The following MATN2 variants were observed in gnomAD, a reference collection of about 807,000 sequenced individuals.
MATN2 encodes the protein matrilin 2, also known as matrilin-2.
In MATN2, 69 loss-of-function variants were observed where a neutral mutation model predicts 103.2. That is an observed-to-expected ratio of 0.67 (90% CI 0.55 to 0.82). The LOEUF is 0.82. MATN2 is among the 40% of genes least tolerant of loss of function. MATN2 has a pLI of 0.00. For missense variants in MATN2, 1,023 were observed against 1,211.5 expected (o/e 0.84, Z 2.31); for synonymous variants, 429 against 450.2 (o/e 0.95, Z 0.60).
chr8:97,981,846 A>C (rs914314576), intron 6 of MATN2, among the ~76,000 whole-genome samples: 1 of 152,134 alleles, frequency 6.6e-6, no homozygotes, highest in Non-Finnish European at 1.5e-5. Flanking sequence ...AGGGTGGTGC[A>C]GGCAAGGAGG....
At chr8:97,893,209 C>T (rs187111878) in intron 2 of MATN2, among the ~76,000 whole-genome samples, 5 of 152,274 alleles carry the variant, frequency 3.3e-5, no homozygotes, top group East Asian at 1.9e-4. Context: ...GGAGAAGGAA[C>T]GAGCACCTGC....
chr8:97,878,313 C>T (rs1162434438), intron 1 of MATN2, among the ~76,000 whole-genome samples: 2 of 152,046 alleles, frequency 1.3e-5, no homozygotes, highest in South Asian at 4.1e-4. Flanking sequence ...ACCTGTAATC[C>T]CAGCACTTGG....
At chr8:98,027,374 AT>A (rs767136739) in intron 13 of MATN2, 41 bp from the exon 14 acceptor site, 1 of 1,515,264 alleles carries the variant, frequency 6.6e-7, no homozygotes, top group African/African-American at 1.4e-5. Context: ...TGCATAAATG[AT>A]TTTTTATTCA....
rs529806941 is a variant in MATN2 at position 98,029,934 on chromosome 8, A to G, written c.2357-528A>G. On this transcript the variant is annotated intron_variant, in intron 14 of 18. Coordinates refer to ENST00000254898, the MANE Select transcript of MATN2 (RefSeq NM_002380.5). ...TTTTTCCTGACTTTAGGGGTTTCCA[A>G]TGGTCTGTAGATTATCCTTTTCAGC... 2.1e-3 allele frequency among the ~76,000 whole-genome samples: 324 copies of G among 152,282 alleles called. 1 individual carries two copies. Among genetic ancestry groups the G allele is most frequent in the Non-Finnish European group, 3.6e-3 (247 of 68,020 alleles).
intron 2 of MATN2, among the ~76,000 whole-genome samples, chr8:97,898,490 G>A (rs988623976): frequency 5.3e-5 from 8 of 151,966 alleles, no homozygotes; most frequent in South Asian, 4.2e-4. Context: ...CCAGCTACTC[G>A]GGAGGCCGAG....
intron 6 of MATN2, among the ~76,000 whole-genome samples, chr8:97,986,125 T>C (rs1456617561): frequency 1.3e-5 from 2 of 152,216 alleles, no homozygotes; most frequent in Non-Finnish European, 2.9e-5. Flanking sequence ...TGAATCTTTT[T>C]TTCTGATCAT....
intron 5 of MATN2, among the ~76,000 whole-genome samples, chr8:97,977,852 C>T (rs1811888900): frequency 1.3e-5 from 2 of 152,200 alleles, no homozygotes; most frequent in South Asian, 2.1e-4. Flanking sequence ...CCCAAGATAC[C>T]CTCTCCCAGA....
At chr8:97,907,941 C>T (rs1401991755) in intron 2 of MATN2, among the ~76,000 whole-genome samples, 1 of 152,050 alleles carries the variant, frequency 6.6e-6, no homozygotes, top group Non-Finnish European at 1.5e-5. Flanking sequence ...AGTTTGAGAC[C>T]AGCCTGACCA....
intron 7 of MATN2, among the ~76,000 whole-genome samples, chr8:97,998,347 C>T (rs1478798151): frequency 2.7e-5 from 4 of 150,224 alleles, no homozygotes; most frequent in South Asian, 2.1e-4. Flanking sequence ...GGTGAAACCC[C>T]GTCTCTACTA....
chr8:97,914,537 CT>C lies in MATN2; in HGVS notation c.143-16404del, dbSNP rs370756107. ...AGGCCTGCACCATTACACCCGGCTA[CT>C]TTTTTTTTTTTAATCTATTGTAGAG... On this transcript the variant is annotated intron_variant, in intron 2 of 18. Coordinates refer to ENST00000254898, the MANE Select transcript of MATN2 (RefSeq NM_002380.5). 8.1e-3 allele frequency among the ~76,000 whole-genome samples: 1,166 copies of C among 143,954 alleles called. 15 individuals carry two copies. The highest frequency in any genetic ancestry group is 0.022 in the African/African-American group (886 of 39,544). 94.4% of individuals were successfully genotyped at this position (143,954 alleles called of 152,430 possible).
intron 1 of MATN2, among the ~76,000 whole-genome samples, chr8:97,882,924 C>T (rs28419525): frequency 0.085 from 12,842 of 151,894 alleles, 1,520 homozygotes; most frequent in African/African-American, 0.27. Context: ...ATTTTTCATC[C>T]GTGTATCTTC....
intron 7 of MATN2, among the ~76,000 whole-genome samples, chr8:98,001,284 C>A (rs1327732282): frequency 6.6e-6 from 1 of 152,086 alleles, no homozygotes; most frequent in Admixed American, 6.5e-5. Flanking sequence ...TATCAAGAAC[C>A]CAGACTCTTT....
chr8:97,888,161 G>A lies in MATN2; in HGVS notation c.61G>A (p.Ala21Thr). 1 of 1,609,128 alleles carries A rather than the reference G, an allele frequency of 6.2e-7. No homozygotes were observed. The highest frequency in any genetic ancestry group is 1.7e-5 in the Admixed American group (1 of 59,298). The change falls in exon 2 of 19, where the codon GCC becomes ACC. Residue 21 changes from alanine (A) to threonine (T), a missense_variant. Transcript: ENST00000254898. ...CCTCGGACAGATCGTCCTCCTCCCT[G>A]CCGAGGCCAGGGAGCGGTCACGTGG... ...LILGQIVLLPAEARERSRGRS... is the reference protein window; with the variant it reads ...LILGQIVLLPTEARERSRGRS...
intron 2 of MATN2, among the ~76,000 whole-genome samples, chr8:97,930,708 T>C (rs1223913356): frequency 6.6e-6 from 1 of 152,156 alleles, no homozygotes; most frequent in Non-Finnish European, 1.5e-5. Context: ...CTGCAACCTG[T>C]GCTTGCTGGA....
At chr8:97,926,780 A>G (rs1018735265) in intron 2 of MATN2, among the ~76,000 whole-genome samples, 6 of 152,216 alleles carry the variant, frequency 3.9e-5, no homozygotes, top group South Asian at 2.1e-4. Context: ...GCTTGTCATC[A>G]TCTTTTTGTA....
At chr8:98,024,523 C>CA (rs1554616085) in intron 13 of MATN2, among the ~76,000 whole-genome samples, 1 of 152,010 alleles carries the variant, frequency 6.6e-6, no homozygotes, top group Non-Finnish European at 1.5e-5. Context: ...ACAACAACAA[C>CA]AACAAACAAA....
At chr8:97,892,786 C>A (rs1403631805) in intron 2 of MATN2, among the ~76,000 whole-genome samples, 2 of 152,142 alleles carry the variant, frequency 1.3e-5, no homozygotes, top group African/African-American at 4.8e-5. Context: ...GGAAATAGTT[C>A]TGACCTCATG....
intron 5 of MATN2, 70 bp downstream of exon 5, chr8:97,961,600 AC>A: frequency 6.9e-7 from 1 of 1,444,066 alleles, no homozygotes; most frequent in Non-Finnish European, 9.2e-7. Context: ...GGGGAGACTC[AC>A]GTGTACCTCC....
At position 97,988,169 on chromosome 8, in the gene MATN2, A is replaced by ATAT. The variant is rs57037125; in HGVS notation, c.1082-6311_1082-6310insTAT. On this transcript the variant is annotated intron_variant, in intron 6 of 18. Transcript: ENST00000254898. ...ATCTCCACCAAAAAAAAAAAAAAAA[A>ATAT]AAATATATATATATATATATACACA... Among the ~76,000 whole-genome samples the ATAT allele has an allele frequency of 6.0e-4, 39 of 64,492 alleles. 1 individual carries two copies. The highest frequency in any genetic ancestry group is 2.7e-3 in the South Asian group (7 of 2,574). 42.3% of individuals were successfully genotyped at this position (64,492 alleles called of 152,430 possible). A position where few individuals can be genotyped will look rare whatever the true frequency, so the allele number is the denominator to read the frequency against.
Sources: gnomAD v4.1 joint callset for allele counts (sites outside exome capture counted in the v4.1 genomes callset) on GRCh38, gnomAD v4.1.1 for gene constraint, MANE v1.5 for transcripts, NCBI Gene and HGNC (gene_info 2026-07-23, HGNC 2026-07-21) for gene names.